SORBS2: variants seen among roughly 807,000 people sequenced by gnomAD.
SORBS2 encodes the protein sorbin and SH3 domain-containing protein 2.
Under a neutral mutation model 97.7 loss-of-function variants are expected in SORBS2, and 46 were observed. That is an observed-to-expected ratio of 0.47 (90% CI 0.37 to 0.60). SORBS2 has a LOEUF of 0.60. SORBS2 is among the 20% of genes least tolerant of loss of function. The pLI, the probability that SORBS2 is intolerant of heterozygous loss-of-function variation, is 0.00. For synonymous variants in SORBS2, 476 were observed against 473.4 expected (o/e 1.01, Z -0.07); for missense variants, 1,316 against 1,282.3 (o/e 1.03, Z -0.40).
chr4:185,858,264 A>G lies in SORBS2; in HGVS notation c.-337-82898T>C, dbSNP rs567874824. Among the ~76,000 whole-genome samples, 55 of 152,346 alleles carry G rather than the reference A, an allele frequency of 3.6e-4. 1 individual carries two copies. Among genetic ancestry groups the G allele is most frequent in the African/African-American group, 1.3e-3 (53 of 41,576 alleles). ...AGTAGTTGGCTTTATAGGAAGAGGAAGAGAGACTTGAGCTCCAAAGCTCTT... is the reference window on the plus strand; with the variant it reads ...AGTAGTTGGCTTTATAGGAAGAGGAGGAGAGACTTGAGCTCCAAAGCTCTT... On this transcript the variant is annotated intron_variant, in intron 1 of 20. Transcript: ENST00000284776.
intron 1 of SORBS2, among the ~76,000 whole-genome samples, chr4:185,939,302 G>A (rs181746430): frequency 2.6e-5 from 4 of 151,988 alleles, no homozygotes; most frequent in African/African-American, 7.2e-5. Context: ...AAATTCTTCC[G>A]TGCAATTGTT....
chr4:185,644,938 T>C (rs766318831), intron 4 of SORBS2, among the ~76,000 whole-genome samples: 1 of 152,208 alleles, frequency 6.6e-6, no homozygotes, highest in Non-Finnish European at 1.5e-5. Flanking sequence ...GGCTGTTTAC[T>C]TTGCACAAAC....
At chr4:185,862,878 A>G (rs892512487) in intron 1 of SORBS2, among the ~76,000 whole-genome samples, 3 of 152,044 alleles carry the variant, frequency 2.0e-5, no homozygotes, top group East Asian at 1.9e-4. Flanking sequence ...CCTGAACATA[A>G]TTACAGTTGG....
chr4:185,884,942 G>A (rs904495421), intron 1 of SORBS2, among the ~76,000 whole-genome samples: 1 of 152,176 alleles, frequency 6.6e-6, no homozygotes, highest in African/African-American at 2.4e-5. Context: ...TCAGGCAGCC[G>A]AAGTGGTGGC....
At chr4:185,801,665 C>T (rs11132349) in intron 1 of SORBS2, among the ~76,000 whole-genome samples, 5,965 of 53,394 alleles carry the variant, frequency 0.11, 183 homozygotes, top group African/African-American at 0.2. Context: ...TTAACTGAAT[C>T]ATCTCTCTCT....
intron 1 of SORBS2, among the ~76,000 whole-genome samples, chr4:185,785,836 C>T (rs557359483): frequency 4.3e-4 from 65 of 152,236 alleles, no homozygotes; most frequent in Non-Finnish European, 2.1e-4. Flanking sequence ...CGAATTAGCT[C>T]CCTGGTTTGG....
At chr4:185,686,081 A>G (rs539384627) in intron 2 of SORBS2, among the ~76,000 whole-genome samples, 21 of 152,326 alleles carry the variant, frequency 1.4e-4, no homozygotes, top group Non-Finnish European at 2.6e-4. Context: ...CATTCTGCTT[A>G]TTGAGTAAAA....
intron 1 of SORBS2, among the ~76,000 whole-genome samples, chr4:185,938,046 G>A (rs2099269849): frequency 1.6e-5 from 2 of 128,824 alleles, no homozygotes; most frequent in African/African-American, 5.8e-5. Context: ...GTCTTGCTCT[G>A]TCACCCAGGC....
chr4:185,833,983 T>A (rs768985622), intron 1 of SORBS2, among the ~76,000 whole-genome samples: 8 of 152,208 alleles, frequency 5.3e-5, no homozygotes, highest in Non-Finnish European at 1.0e-4. Context: ...AATTAACCAA[T>A]GGGCAGTATG....
chr4:185,712,287 C>T (rs562067323), intron 2 of SORBS2, among the ~76,000 whole-genome samples: 30 of 152,272 alleles, frequency 2.0e-4, no homozygotes, highest in South Asian at 8.3e-4. Flanking sequence ...GACAGCTTGA[C>T]GGCGTAACTT....
chr4:185,837,840 A>C (rs184963982), intron 1 of SORBS2, among the ~76,000 whole-genome samples: 131 of 149,238 alleles, frequency 8.8e-4, no homozygotes, highest in Non-Finnish European at 1.5e-3. Flanking sequence ...TAATTTCTTT[A>C]ATAGAAAAAA....
Position 185,883,341 on chromosome 4 carries a change from A to G in SORBS2, c.-338+72855T>C, listed in dbSNP as rs185441045. On this transcript the variant is annotated intron_variant, in intron 1 of 20. Coordinates refer to the SORBS2 transcript ENST00000284776. ...TAGGAAAATATGAATTAAAACCACA[A>G]TGAGGTACCACTACATTATTTTAAA... is the stretch of plus-strand genomic sequence containing the variant. 3.9e-5 allele frequency among the ~76,000 whole-genome samples: 6 copies of G among 152,326 alleles called. No homozygotes were observed. In the East Asian group the frequency reaches 1.2e-3, roughly 29 times the overall value.
intron 1 of SORBS2, among the ~76,000 whole-genome samples, chr4:185,801,053 C>T (rs1261049118): frequency 1.3e-5 from 2 of 152,158 alleles, no homozygotes; most frequent in Non-Finnish European, 2.9e-5. Flanking sequence ...CCTCCCCCCA[C>T]CAATTCCTGG....
At position 185,623,418 on chromosome 4, in the gene SORBS2, G is replaced by A. The variant is rs2096751480; in HGVS notation, c.1711C>T (p.Arg571Ter). ...TCGTGTTTTAACATTGTGGTAAATC[G>A]AGTGTAGGAGGCCGGGCACCTGCCT... Residue 571 changes from arginine to a stop codon, truncating the protein, a stop_gained, in exon 7 of 15, where the codon CGA becomes TGA. Coordinates refer to ENST00000418609, the Ensembl canonical transcript of SORBS2. LOFTEE classifies it high-confidence loss of function. This position sits in a 1 kb window ranked among gnomAD's most constrained non-coding sequence, Gnocchi z 6.4. 1 of 1,611,298 alleles carries A rather than the reference G, an allele frequency of 6.2e-7. No individual in the cohort carries two copies.
In SORBS2 at chr4:185,843,803, T is replaced by C. The variant is rs181540036; in HGVS notation, c.-337-68437A>G. Among the ~76,000 whole-genome samples, 47 of 152,326 alleles carry C rather than the reference T, an allele frequency of 3.1e-4. 1 individual carries two copies. The South Asian group carries it at 4.3e-3, about 14-fold the overall frequency. ...CAAATAGATCTTAGATTCAGTGCAA[T>C]AAATCCCAATTAAAATTCAATTTCC... On this transcript the variant is annotated intron_variant, in intron 1 of 20. Transcript: ENST00000284776.
chr4:185,742,372 A>C (rs1583888713), intron 2 of SORBS2, among the ~76,000 whole-genome samples: 3 of 152,326 alleles, frequency 2.0e-5, no homozygotes, highest in East Asian at 3.9e-4. Flanking sequence ...TTAACCTTGC[A>C]TATCACAAGA....
At chr4:185,849,309 G>A (rs1003500439) in intron 1 of SORBS2, among the ~76,000 whole-genome samples, 83 of 152,188 alleles carry the variant, frequency 5.5e-4, no homozygotes, top group African/African-American at 1.7e-3. Flanking sequence ...TGCGAATTCC[G>A]ACTTGAGACA....
chr4:185,690,331 G>A (rs1469372619), intron 2 of SORBS2, among the ~76,000 whole-genome samples: 1 of 152,166 alleles, frequency 6.6e-6, no homozygotes, highest in East Asian at 1.9e-4. Context: ...TTTAACATGT[G>A]ATTAGAGAAA....
intron 1 of SORBS2, among the ~76,000 whole-genome samples, chr4:185,841,619 G>A (rs1272859305): frequency 1.3e-5 from 2 of 152,146 alleles, no homozygotes; most frequent in Non-Finnish European, 2.9e-5. Context: ...TAGGTGCATG[G>A]GTTTTGGCAG....
Sources: allele counts gnomAD v4.1 joint callset (sites outside exome capture counted in the v4.1 genomes callset), GRCh38; gene constraint gnomAD v4.1.1; non-coding constraint Gnocchi (gnomAD v3.1); transcripts MANE v1.5; gene names NCBI Gene and HGNC (gene_info 2026-07-23, HGNC 2026-07-21).